Variants in MYCBP2 observed in about 807,000 individuals in gnomAD.
MYCBP2 encodes the protein MYC binding protein 2.
A neutral mutation model predicts 525.3 loss-of-function variants in MYCBP2; 120 were observed. The observed-to-expected ratio is 0.23, with a 90% confidence interval of 0.20 to 0.27. MYCBP2 has a LOEUF of 0.27. Among genes scored for constraint, MYCBP2 ranks in the 10% least tolerant of loss-of-function variants. The pLI is 1.00. For missense variants in MYCBP2, 4,149 were observed against 5,657.1 expected (o/e 0.73, Z 8.55); for synonymous variants, 1,894 against 1,955.8 (o/e 0.97, Z 0.83).
In MYCBP2 at chr13:77,326,627, C is replaced by T. The variant is rs762936210; in HGVS notation, c.149G>A (p.Gly50Glu). The T allele has an allele frequency of 6.4e-7, 1 of 1,559,390 alleles. No individual in the cohort carries two copies. Among genetic ancestry groups the T allele is most frequent in the South Asian group, 1.2e-5 (1 of 86,142 alleles). The change falls in exon 1 of 83, where the codon GGG becomes GAG. Residue 50 changes from glycine to glutamate, a missense_variant. Physicochemically the swap from Gly to Glu is moderately conservative, Grantham distance 98 (BLOSUM62 -2). This residue lies in a region of MYCBP2 where 413 missense variants were observed against 451.2 expected (regional missense o/e 0.92). Transcript: ENST00000544440. The surrounding 1 kb of genome is among the most constrained non-coding windows in gnomAD (Gnocchi z 4.2). ...CGCGGCGGGTAGCCCCAGCCCCAGCCCCGCAGCAGCCACGGAGCCGTCGGG... is the reference window on the plus strand; with the variant it reads ...CGCGGCGGGTAGCCCCAGCCCCAGCTCCGCAGCAGCCACGGAGCCGTCGGG... ...PVPDGSVAAA[G>E]LGLGLPAADS...
At chr13:77,187,747 A>T (rs1466762214) in intron 30 of MYCBP2, among the ~76,000 whole-genome samples, 1 of 152,102 alleles carries the variant, frequency 6.6e-6, no homozygotes, top group East Asian at 1.9e-4. Context: ...TTTTTTGCAT[A>T]TAAAAATGGT....
At chr13:77,112,902 A>G (rs2154147209) in intron 55 of MYCBP2, among the ~76,000 whole-genome samples, 1 of 152,092 alleles carries the variant, frequency 6.6e-6, no homozygotes, top group East Asian at 1.9e-4. Context: ...CAGATCTTGT[A>G]TCTTCTCTCT....
chr13:77,114,086 A>C (rs2049306041), intron 55 of MYCBP2, among the ~76,000 whole-genome samples: 1 of 152,140 alleles, frequency 6.6e-6, no homozygotes, highest in Admixed American at 6.6e-5. Flanking sequence ...TAAGCCTTAC[A>C]AACAAACCTG....
intron 3 of MYCBP2, among the ~76,000 whole-genome samples, chr13:77,283,152 G>A (rs931475551): frequency 1.6e-4 from 24 of 152,238 alleles, no homozygotes; most frequent in African/African-American, 5.5e-4. Flanking sequence ...AGGGTGGTGA[G>A]TCTGATGCAA....
chr13:77,136,217 G>A (rs946972799), intron 52 of MYCBP2, among the ~76,000 whole-genome samples: 1 of 152,130 alleles, frequency 6.6e-6, no homozygotes, highest in African/African-American at 2.4e-5. Flanking sequence ...CTAGACTTAG[G>A]CACTTGTAGT....
chr13:77,174,252 T>A, intron 37 of MYCBP2, 59 bp downstream of exon 37: 2 of 1,537,528 alleles, frequency 1.3e-6, no homozygotes, highest in South Asian at 1.2e-5. Flanking sequence ...TACCTGGTAG[T>A]AGACTGTGTA....
intron 1 of MYCBP2, among the ~76,000 whole-genome samples, chr13:77,301,570 C>G (rs1008406076): frequency 6.6e-6 from 1 of 151,982 alleles, no homozygotes; most frequent in African/African-American, 2.4e-5. Context: ...TTCTATCTGT[C>G]TGACACAGCA....
chr13:77,223,910 A>ACC (rs748810409), intron 20 of MYCBP2, among the ~76,000 whole-genome samples: 10,367 of 152,224 alleles, frequency 0.068, 561 homozygotes, highest in African/African-American at 0.14. Flanking sequence ...CTAAAACTAA[A>ACC]ACTAAAACAA....
At chr13:77,212,538 T>C (rs1457046728) in intron 21 of MYCBP2, among the ~76,000 whole-genome samples, 1 of 152,182 alleles carries the variant, frequency 6.6e-6, no homozygotes, top group African/African-American at 2.4e-5. Context: ...CACTTTGACA[T>C]AGTAAGTTGA....
At chr13:77,232,373 G>C (rs1053055182) in intron 18 of MYCBP2, among the ~76,000 whole-genome samples, 1 of 152,114 alleles carries the variant, frequency 6.6e-6, no homozygotes, top group Admixed American at 6.6e-5. Context: ...CTGGTTCAAA[G>C]GCCAGGATAC....
chr13:77,317,758 G>A (rs73223469), intron 1 of MYCBP2, among the ~76,000 whole-genome samples: 7,662 of 152,170 alleles, frequency 0.05, 255 homozygotes, highest in East Asian at 0.11. Flanking sequence ...TCCACATGGT[G>A]AAACCCCGTC....
rs866993068 is a variant in MYCBP2, at chr13:77,294,125, T to C, written c.378+2474A>G. Among the ~76,000 whole-genome samples, 79 of 67,482 alleles carry C rather than the reference T, an allele frequency of 1.2e-3. 6 individuals carry two copies. Among genetic ancestry groups the C allele is most frequent in the Non-Finnish European group, 2.4e-3 (68 of 28,320 alleles). 44.3% of individuals were successfully genotyped at this position (67,482 alleles called of 152,430 possible). A position where few individuals can be genotyped will look rare whatever the true frequency, so the allele number is the denominator to read the frequency against. On this transcript the variant is annotated intron_variant, in intron 2 of 82. Transcript: ENST00000544440. Reference sequence around the variant, plus strand: ...ATGGCTATATATATATATATATATATATATACATATATATATACATATATA... The same window carrying C: ...ATGGCTATATATATATATATATATACATATACATATATATATACATATATA...
At chr13:77,105,249 GA>G (rs1389828527) in intron 55 of MYCBP2, among the ~76,000 whole-genome samples, 1 of 152,010 alleles carries the variant, frequency 6.6e-6, no homozygotes, top group Non-Finnish European at 1.5e-5. Context: ...ACAGAAATGT[GA>G]AAAACTATGA....
chr13:77,206,534 G>T, intron 24 of MYCBP2, 119 bp downstream of exon 24: 1 of 972,642 alleles, frequency 1.0e-6, no homozygotes, highest in African/African-American at 1.7e-5. Context: ...AACTTATTTT[G>T]TACATTATTA....
In MYCBP2 at chr13:77,045,444, A is replaced by C; in HGVS notation, c.13971T>G (p.Val4657=). Residue 4657 remains valine, a synonymous_variant, in exon 83 of 83, where the codon GTT becomes GTG. Transcript: ENST00000544440. Reference sequence around the variant, plus strand: ...CAAACTCTTCCCCAGTGGGTGGATGAACAACATGGAGTGGACATTCAGTTC... The same window carrying C: ...CAAACTCTTCCCCAGTGGGTGGATGCACAACATGGAGTGGACATTCAGTTC... The part of the protein sequence containing the change: ...LEGTECPLHV[V]HPPTGEEFAL... 1 of 1,614,164 alleles carries C rather than the reference A, an allele frequency of 6.2e-7. No individual in the cohort carries two copies. The highest frequency in any genetic ancestry group is 8.5e-7 in the Non-Finnish European group (1 of 1,180,006).
intron 7 of MYCBP2, 36 bp downstream of exon 7, chr13:77,269,956 T>G: frequency 6.8e-7 from 1 of 1,476,502 alleles, no homozygotes. Context: ...TTGTAAAAGA[T>G]AAGAAAATTT....
intron 2 of MYCBP2, among the ~76,000 whole-genome samples, chr13:77,294,148 A>AGGC (rs2077917416): frequency 7.2e-6 from 1 of 138,778 alleles, no homozygotes. Context: ...ATATACATAT[A>AGGC]TATAAAATAT....
chr13:77,074,002 GC>G (rs34371055), intron 68 of MYCBP2, among the ~76,000 whole-genome samples: 56,741 of 106,568 alleles, frequency 0.53, 14,189 homozygotes, highest in Middle Eastern at 0.66. Flanking sequence ...CATCCCCACC[GC>G]CCCCCCCCCT....
At chr13:77,240,037 G>C (rs2068572880) in intron 17 of MYCBP2, among the ~76,000 whole-genome samples, 1 of 151,686 alleles carries the variant, frequency 6.6e-6, no homozygotes, top group African/African-American at 2.4e-5. Flanking sequence ...TTAATATTTT[G>C]GTATTTATCT....
Sources: gnomAD v4.1 joint callset for allele counts (sites outside exome capture counted in the v4.1 genomes callset) on GRCh38, gnomAD v4.1.1 for gene constraint, gnomAD v4.1.1 regional missense constraint, Gnocchi (gnomAD v3.1) non-coding constraint, MANE v1.5 for transcripts, NCBI Gene and HGNC (gene_info 2026-07-23, HGNC 2026-07-21) for gene names.